DLGAP2: variants seen among roughly 807,000 people sequenced by gnomAD.
DLGAP2 encodes the protein disks large-associated protein 2.
In DLGAP2, 26 loss-of-function variants were observed where a neutral mutation model predicts 100.3. The ratio of observed to expected loss-of-function variants is 0.26; its 90% CI spans 0.19 to 0.36. DLGAP2 has a LOEUF of 0.36. DLGAP2 is among the 10% of genes least tolerant of loss of function. The probability of loss-of-function intolerance (pLI) is 1.00; values close to 1 mark genes in which losing one functional copy is unlikely to be tolerated. For missense variants in DLGAP2, 1,858 were observed against 1,453.2 expected, an observed-to-expected ratio of 1.28 and a Z score of -4.53; for synonymous variants, 886 against 630.1, an observed-to-expected ratio of 1.41 and a Z score of -6.08.
At chr8:1,101,594 T>C (rs1198265927) in intron 2 of DLGAP2, among the ~76,000 whole-genome samples, 2 of 151,748 alleles carry the variant, frequency 1.3e-5, no homozygotes, top group Non-Finnish European at 2.9e-5. Context: ...CCGGAGATGG[T>C]GACACGACAA....
intron 1 of DLGAP2, among the ~76,000 whole-genome samples, chr8:895,757 G>A (rs1031494315): frequency 2.0e-5 from 3 of 152,140 alleles, no homozygotes; most frequent in East Asian, 1.9e-4. Context: ...TGTCCAGGTC[G>A]GTGTGGGGCA....
chr8:1,625,208 A>G (rs549906550), intron 6 of DLGAP2, among the ~76,000 whole-genome samples: 3 of 152,350 alleles, frequency 2.0e-5, no homozygotes, highest in Non-Finnish European at 4.4e-5. Flanking sequence ...ACTGATATTT[A>G]ATGTTCCTAT....
rs1481934296 is a variant in DLGAP2 at position 979,722 on chromosome 8, TCAGGCACATGTGC to T, written c.73+71760_73+71772del. Among the ~76,000 whole-genome samples the T allele has an allele frequency of 9.2e-5, 14 of 152,362 alleles. No individual in the cohort carries two copies. In the East Asian group the frequency reaches 2.7e-3, roughly 29 times the overall value. On this transcript the variant is annotated intron_variant, in intron 2 of 14. Coordinates refer to ENST00000637795, the MANE Select transcript of DLGAP2 (RefSeq NM_001346810.2). ...ATCCACCCAAAATGACCCATTGTTT[TCAGGCACATGTGC>T]CAGTCCTTTCTCTTGCATGCAGTTT...
At chr8:1,061,250 G>C (rs887896093) in intron 2 of DLGAP2, among the ~76,000 whole-genome samples, 17 of 152,142 alleles carry the variant, frequency 1.1e-4, no homozygotes, top group African/African-American at 3.1e-4. Flanking sequence ...TAGTTGCGGG[G>C]AAATTTTAGA....
At chr8:1,236,250 GTTATCTCA>G (rs1563270904) in intron 2 of DLGAP2, among the ~76,000 whole-genome samples, 19 of 58,430 alleles carry the variant, frequency 3.3e-4, no homozygotes, top group African/African-American at 5.4e-4. Context: ...ACCATGTCTA[GTTATCTCA>G]CATGGTGCCG....
At chr8:1,265,608 C>G (rs1799435138) in intron 3 of DLGAP2, among the ~76,000 whole-genome samples, 1 of 152,188 alleles carries the variant, frequency 6.6e-6, no homozygotes, top group Admixed American at 6.5e-5. Context: ...GATCTAAAGA[C>G]TCCTAAGACT....
At chr8:1,511,657 C>T (rs111978853) in intron 4 of DLGAP2, among the ~76,000 whole-genome samples, 4 of 149,528 alleles carry the variant, frequency 2.7e-5, no homozygotes, top group African/African-American at 7.4e-5. Context: ...CTTCCATGGA[C>T]GTAAGGGCTG....
intron 1 of DLGAP2, among the ~76,000 whole-genome samples, chr8:833,092 G>A (rs1045824937): frequency 9.9e-5 from 15 of 152,198 alleles, no homozygotes; most frequent in African/African-American, 3.6e-4. Context: ...GGTTGATACA[G>A]GGCTTACCTG....
intron 3 of DLGAP2, among the ~76,000 whole-genome samples, chr8:1,497,364 G>A (rs1799578785): frequency 1.3e-5 from 2 of 152,184 alleles, no homozygotes; most frequent in African/African-American, 4.8e-5. Context: ...AAGTAAAGAG[G>A]CTAGGTGGAG....
At chr8:1,126,208 G>A (rs563332716) in intron 2 of DLGAP2, among the ~76,000 whole-genome samples, 138 of 152,334 alleles carry the variant, frequency 9.1e-4, no homozygotes, top group Non-Finnish European at 1.8e-3. Flanking sequence ...CAGAGCCATG[G>A]ATTTTCACAG....
chr8:1,253,295 G>A (rs1369996225), intron 2 of DLGAP2, among the ~76,000 whole-genome samples: 2 of 152,162 alleles, frequency 1.3e-5, no homozygotes, highest in African/African-American at 2.4e-5. Flanking sequence ...TCTTCCCGGG[G>A]CTCCAGGAGA....
intron 1 of DLGAP2, among the ~76,000 whole-genome samples, chr8:766,581 C>T (rs1406239780): frequency 6.6e-6 from 1 of 152,178 alleles, no homozygotes; most frequent in East Asian, 1.9e-4. Context: ...AGAGCCAGAT[C>T]TCATTCCACC....
At chr8:1,662,008 C>T (rs1438441712) in intron 8 of DLGAP2, among the ~76,000 whole-genome samples, 1 of 152,196 alleles carries the variant, frequency 6.6e-6, no homozygotes, top group Non-Finnish European at 1.5e-5. Flanking sequence ...AGCCTGTGTG[C>T]TGTGCCACAG....
chr8:1,368,038 C>G (rs537105510), intron 3 of DLGAP2, among the ~76,000 whole-genome samples: 13 of 152,220 alleles, frequency 8.5e-5, no homozygotes, highest in Non-Finnish European at 1.3e-4. Context: ...GGGATTGACT[C>G]TGCTTTCACA....
intron 14 of DLGAP2, 78 bp from the exon 15 acceptor site, chr8:1,701,110 C>A (rs1434294306): frequency 2.2e-6 from 3 of 1,375,882 alleles, no homozygotes; most frequent in African/African-American, 1.5e-5. Flanking sequence ...TCAGGCCAGG[C>A]CCCAGGGCCG....
At chr8:916,088 G>A (rs760139521) in intron 2 of DLGAP2, among the ~76,000 whole-genome samples, 2 of 152,120 alleles carry the variant, frequency 1.3e-5, no homozygotes, top group Admixed American at 6.5e-5. Context: ...CCGTCCATCT[G>A]TCCCAGGGCG....
chr8:1,332,536 C>T (rs1801182769), intron 3 of DLGAP2, among the ~76,000 whole-genome samples: 3 of 152,196 alleles, frequency 2.0e-5, no homozygotes, highest in Admixed American at 2.0e-4. Flanking sequence ...TGTGCACACA[C>T]TCCTACAGAT....
At chr8:1,454,972 C>T (rs1798265181) in intron 3 of DLGAP2, among the ~76,000 whole-genome samples, 1 of 152,150 alleles carries the variant, frequency 6.6e-6, no homozygotes, top group South Asian at 2.1e-4. Context: ...AGTTTCCACA[C>T]ATTCACCCAT....
chr8:889,904 ATCT>A (rs1797999504), intron 1 of DLGAP2, among the ~76,000 whole-genome samples: 1 of 152,092 alleles, frequency 6.6e-6, no homozygotes, highest in Admixed American at 6.5e-5. Context: ...TGCAAGTGGG[ATCT>A]TCTGATCCGT....
Sources: allele counts gnomAD v4.1 joint callset (sites outside exome capture counted in the v4.1 genomes callset), GRCh38; gene constraint gnomAD v4.1.1; transcripts MANE v1.5; gene names NCBI Gene and HGNC (gene_info 2026-07-23, HGNC 2026-07-21).